Variants in SDK1 observed in about 807,000 individuals in gnomAD.
SDK1 encodes protein sidekick-1.
A neutral mutation model predicts 245.5 loss-of-function variants in SDK1; 157 were observed. That is an observed-to-expected ratio of 0.64 (90% CI 0.56 to 0.73). SDK1 has a LOEUF of 0.73. Ranked by LOEUF, SDK1 falls within the 30% of genes least tolerant of loss-of-function variation. The probability of loss-of-function intolerance (pLI) is 0.00; values close to 1 mark genes in which losing one functional copy is unlikely to be tolerated. For synonymous variants in SDK1, 1,647 were observed against 1,278.5 expected (o/e 1.29, Z -6.15); for missense variants, 3,583 against 3,002.3 (o/e 1.19, Z -4.52).
intron 1 of SDK1, among the ~76,000 whole-genome samples, chr7:3,541,657 G>A (rs1779055816): frequency 6.6e-6 from 1 of 152,136 alleles, no homozygotes; most frequent in Non-Finnish European, 1.5e-5. Context: ...ACATGACTGT[G>A]TATATCCTAA....
At chr7:3,628,826 C>G (rs1046323667) in intron 2 of SDK1, among the ~76,000 whole-genome samples, 2 of 152,148 alleles carry the variant, frequency 1.3e-5, no homozygotes, top group East Asian at 3.9e-4. Context: ...AGATGGAAGA[C>G]AAACAAGGTG....
At chr7:3,706,458 G>C (rs1045912013) in intron 4 of SDK1, among the ~76,000 whole-genome samples, 2 of 152,188 alleles carry the variant, frequency 1.3e-5, no homozygotes, top group African/African-American at 2.4e-5. Flanking sequence ...CTGGAGTGCA[G>C]TGGCACGATC....
chr7:3,880,538 C>A (rs925059701), intron 5 of SDK1, among the ~76,000 whole-genome samples: 4 of 141,324 alleles, frequency 2.8e-5, no homozygotes, highest in African/African-American at 1.1e-4. Context: ...AAACAATGCC[C>A]TGGTCTTTTT....
intron 22 of SDK1, among the ~76,000 whole-genome samples, chr7:4,102,544 C>T (rs1303134657): frequency 6.6e-6 from 1 of 152,176 alleles, no homozygotes; most frequent in Non-Finnish European, 1.5e-5. Flanking sequence ...TTGTCTGCTT[C>T]CTCTCCATGT....
At chr7:3,746,795 A>G (rs1050130222) in intron 4 of SDK1, among the ~76,000 whole-genome samples, 3 of 152,168 alleles carry the variant, frequency 2.0e-5, no homozygotes, top group Admixed American at 6.5e-5. Context: ...GCAATGCTGA[A>G]CCCCTCAAAC....
At chr7:3,838,249 G>A (rs1232940854) in intron 5 of SDK1, among the ~76,000 whole-genome samples, 1 of 152,206 alleles carries the variant, frequency 6.6e-6, no homozygotes, top group Non-Finnish European at 1.5e-5. Context: ...TGCCAGGCAC[G>A]GAAGTTAGGG....
At chr7:3,571,434 C>G (rs1388683271) in intron 1 of SDK1, among the ~76,000 whole-genome samples, 1 of 151,920 alleles carries the variant, frequency 6.6e-6, no homozygotes, top group African/African-American at 2.4e-5. Flanking sequence ...TCCCAAGTAG[C>G]CGGAACTACA....
At chr7:3,542,182 G>A (rs1055629630) in intron 1 of SDK1, among the ~76,000 whole-genome samples, 2 of 152,184 alleles carry the variant, frequency 1.3e-5, no homozygotes, top group Non-Finnish European at 2.9e-5. Flanking sequence ...TTTCTAATCT[G>A]TAGTAGATTT....
chr7:3,346,576 T>C (rs1474681724), intron 1 of SDK1, among the ~76,000 whole-genome samples: 1 of 151,182 alleles, frequency 6.6e-6, no homozygotes. Flanking sequence ...CTCAGTGATG[T>C]GATCATGACT....
chr7:3,862,265 G>C (rs1183639909), intron 5 of SDK1, among the ~76,000 whole-genome samples: 1 of 152,138 alleles, frequency 6.6e-6, no homozygotes, highest in African/African-American at 2.4e-5. Flanking sequence ...AGAATGTCTG[G>C]GGGAGGAAGC....
At chr7:3,510,141 C>G (rs1403426722) in intron 1 of SDK1, among the ~76,000 whole-genome samples, 1 of 152,162 alleles carries the variant, frequency 6.6e-6, no homozygotes, top group Non-Finnish European at 1.5e-5. Context: ...ACAGTGTGTT[C>G]CCAGTGCCTG....
chr7:3,573,070 G>A (rs915150087), intron 1 of SDK1, among the ~76,000 whole-genome samples: 14 of 152,068 alleles, frequency 9.2e-5, no homozygotes, highest in African/African-American at 3.4e-4. Flanking sequence ...GTGGGGCTTG[G>A]TGTGGGCCCT....
intron 1 of SDK1, among the ~76,000 whole-genome samples, chr7:3,501,735 TG>T (rs1201421273): frequency 6.6e-6 from 1 of 152,228 alleles, no homozygotes; most frequent in Non-Finnish European, 1.5e-5. Flanking sequence ...TTTTATTTTT[TG>T]TTGAAGTATG....
At chr7:3,668,985 C>T (rs971360697) in intron 4 of SDK1, among the ~76,000 whole-genome samples, 4 of 152,166 alleles carry the variant, frequency 2.6e-5, no homozygotes, top group African/African-American at 9.7e-5. Flanking sequence ...AGGAATGTTG[C>T]TGTGCCCCAT....
At chr7:3,409,881 T>G (rs1024725308) in intron 1 of SDK1, among the ~76,000 whole-genome samples, 1 of 152,136 alleles carries the variant, frequency 6.6e-6, no homozygotes, top group Non-Finnish European at 1.5e-5. Context: ...AATGAGCGTA[T>G]ATATTTGATG....
intron 4 of SDK1, among the ~76,000 whole-genome samples, chr7:3,793,593 A>G (rs889018114): frequency 1.3e-5 from 2 of 152,184 alleles, no homozygotes; most frequent in African/African-American, 2.4e-5. Flanking sequence ...TCGATTCTAT[A>G]GCTGTTGTCA....
intron 22 of SDK1, among the ~76,000 whole-genome samples, chr7:4,080,941 A>G (rs1781016672): frequency 6.6e-6 from 1 of 152,228 alleles, no homozygotes; most frequent in Non-Finnish European, 1.5e-5. Flanking sequence ...AAACTTTAAA[A>G]CGCTTAGGAT....
chr7:3,989,882 C>T (rs576951934), intron 14 of SDK1, among the ~76,000 whole-genome samples: 6 of 152,328 alleles, frequency 3.9e-5, no homozygotes, highest in Admixed American at 6.5e-5. Context: ...TTCATAGCTA[C>T]GGGAATGGAT....
intron 1 of SDK1, among the ~76,000 whole-genome samples, chr7:3,614,033 A>T (rs1039786058): frequency 6.6e-6 from 1 of 152,170 alleles, no homozygotes; most frequent in Non-Finnish European, 1.5e-5. Context: ...ACTAGGCTTA[A>T]TACCTGGGTG....
Sources: allele counts gnomAD v4.1 joint callset (sites outside exome capture counted in the v4.1 genomes callset), GRCh38; gene constraint gnomAD v4.1.1; transcripts MANE v1.5; gene names NCBI Gene and HGNC (gene_info 2026-07-23, HGNC 2026-07-21).